The following IMMP2L variants were observed in gnomAD, a reference collection of about 807,000 sequenced individuals.
IMMP2L encodes the protein mitochondrial inner membrane protease subunit 2.
Under a neutral mutation model 19.3 loss-of-function variants are expected in IMMP2L, and 18 were observed. That is an observed-to-expected ratio of 0.93 (90% CI 0.64 to 1.38). IMMP2L has a LOEUF of 1.38. Among genes scored for constraint, IMMP2L ranks in the 40% most tolerant of loss-of-function variants. The probability of loss-of-function intolerance (pLI) is 0.00; values close to 1 mark genes in which losing one functional copy is unlikely to be tolerated. For synonymous variants in IMMP2L, 76 were observed against 73.0 expected, an observed-to-expected ratio of 1.04 and a Z score of -0.21; for missense variants, 233 against 218.2, an observed-to-expected ratio of 1.07 and a Z score of -0.43.
intron 4 of IMMP2L, among the ~76,000 whole-genome samples, chr7:110,921,457 G>T (rs988260487): frequency 6.6e-6 from 1 of 152,166 alleles, no homozygotes; most frequent in African/African-American, 2.4e-5. Context: ...TTTGTCATAG[G>T]GATCATTGGA....
intron 5 of IMMP2L, among the ~76,000 whole-genome samples, chr7:110,787,197 C>A (rs907516353): frequency 6.6e-6 from 1 of 151,936 alleles, no homozygotes. Flanking sequence ...AAGTGCTTCC[C>A]AACCCTTAAT....
intron 5 of IMMP2L, among the ~76,000 whole-genome samples, chr7:110,752,982 G>A (rs1196322287): frequency 6.6e-6 from 1 of 152,026 alleles, no homozygotes; most frequent in East Asian, 1.9e-4. Flanking sequence ...AATCTCATAG[G>A]TCACCACACT....
intron 4 of IMMP2L, among the ~76,000 whole-genome samples, chr7:110,919,295 C>T (rs1164910549): frequency 6.6e-6 from 1 of 152,032 alleles, no homozygotes; most frequent in African/African-American, 2.4e-5. Context: ...CCAAATTAAG[C>T]CATAAGAGAC....
chr7:110,827,476 C>A (rs1000321567), intron 5 of IMMP2L, among the ~76,000 whole-genome samples: 1 of 152,124 alleles, frequency 6.6e-6, no homozygotes, highest in African/African-American at 2.4e-5. Flanking sequence ...AGGGCCTGAG[C>A]CCCATGATGA....
chr7:110,683,392 C>A (rs1374243583), intron 5 of IMMP2L, among the ~76,000 whole-genome samples: 3 of 151,962 alleles, frequency 2.0e-5, no homozygotes, highest in Admixed American at 6.6e-5. Context: ...GCTTTTAATA[C>A]CACTTTGGTC....
At chr7:111,523,762 A>T (rs1409172801) in intron 1 of IMMP2L, among the ~76,000 whole-genome samples, 1 of 152,132 alleles carries the variant, frequency 6.6e-6, no homozygotes, top group Non-Finnish European at 1.5e-5. Context: ...TTATGAGTTC[A>T]CACATCTGGT....
chr7:111,276,951 C>A (rs1819139796), intron 3 of IMMP2L, among the ~76,000 whole-genome samples: 1 of 152,032 alleles, frequency 6.6e-6, no homozygotes, highest in Non-Finnish European at 1.5e-5. Flanking sequence ...CTCCTTTCAC[C>A]ATCCACAAAA....
intron 5 of IMMP2L, among the ~76,000 whole-genome samples, chr7:110,747,292 T>C (rs1320958562): frequency 6.6e-6 from 1 of 152,158 alleles, no homozygotes; most frequent in Non-Finnish European, 1.5e-5. Flanking sequence ...CGAGAACTGA[T>C]GGATTCATAG....
chr7:111,188,489 C>G (rs1808513145), intron 3 of IMMP2L, among the ~76,000 whole-genome samples: 1 of 152,022 alleles, frequency 6.6e-6, no homozygotes, highest in South Asian at 2.1e-4. Flanking sequence ...TACGAGGGCT[C>G]CATCCTTGTG....
intron 5 of IMMP2L, among the ~76,000 whole-genome samples, chr7:110,665,936 A>G (rs1205076685): frequency 6.6e-6 from 1 of 152,024 alleles, no homozygotes; most frequent in Non-Finnish European, 1.5e-5. Flanking sequence ...AAAAATAATG[A>G]TTTTCCAAAT....
intron 3 of IMMP2L, among the ~76,000 whole-genome samples, chr7:111,070,637 T>A (rs116072852): frequency 0.012 from 1,834 of 152,218 alleles, 39 homozygotes; most frequent in African/African-American, 0.042. Context: ...TTAAAAGGAT[T>A]TTCCCTAGTG....
chr7:111,387,243 GA>G (rs1563130503), intron 3 of IMMP2L, among the ~76,000 whole-genome samples: 1 of 152,104 alleles, frequency 6.6e-6, no homozygotes, highest in Non-Finnish European at 1.5e-5. Flanking sequence ...CAATGGCACA[GA>G]AAAGGCTTTT....
chr7:111,090,475 GAAGT>G (rs887789029), intron 3 of IMMP2L, among the ~76,000 whole-genome samples: 4 of 151,960 alleles, frequency 2.6e-5, no homozygotes, highest in African/African-American at 9.7e-5. Flanking sequence ...CATATAAAGA[GAAGT>G]CAGTGAGTAT....
At chr7:110,934,764 T>C (rs1193172011) in intron 4 of IMMP2L, among the ~76,000 whole-genome samples, 1 of 152,230 alleles carries the variant, frequency 6.6e-6, no homozygotes. Flanking sequence ...ACCTTCTTTG[T>C]CTTTTTTGAT....
chr7:110,932,735 T>A (rs552261823), intron 4 of IMMP2L, among the ~76,000 whole-genome samples: 1 of 152,200 alleles, frequency 6.6e-6, no homozygotes, highest in Admixed American at 6.5e-5. Context: ...GGGGAAAATA[T>A]GTCACCTACA....
chr7:111,472,642 A>G (rs1006407252), intron 3 of IMMP2L, among the ~76,000 whole-genome samples: 1 of 152,204 alleles, frequency 6.6e-6, no homozygotes, highest in African/African-American at 2.4e-5. Flanking sequence ...AAGAAAAGAC[A>G]CAATTATTTA....
chr7:111,159,864 T>A (rs765386991), intron 3 of IMMP2L, among the ~76,000 whole-genome samples: 1 of 152,158 alleles, frequency 6.6e-6, no homozygotes, highest in Non-Finnish European at 1.5e-5. Context: ...TAATGGGGTA[T>A]CTTACATTCT....
At chr7:110,989,169 A>T (rs1277618998) in intron 3 of IMMP2L, among the ~76,000 whole-genome samples, 1 of 152,160 alleles carries the variant, frequency 6.6e-6, no homozygotes, top group Non-Finnish European at 1.5e-5. Context: ...TGGGTGGCAG[A>T]GATTGCGGTG....
intron 3 of IMMP2L, among the ~76,000 whole-genome samples, chr7:111,182,544 CAA>C (rs1212969506): frequency 6.6e-6 from 1 of 151,172 alleles, no homozygotes; most frequent in Non-Finnish European, 1.5e-5. Flanking sequence ...CTGAAAATGA[CAA>C]AAAGGAAGAC....
Sources: allele counts gnomAD v4.1 joint callset (sites outside exome capture counted in the v4.1 genomes callset), GRCh38; gene constraint gnomAD v4.1.1; transcripts MANE v1.5; gene names NCBI Gene and HGNC (gene_info 2026-07-23, HGNC 2026-07-21).